The following EYS variants were observed in gnomAD, a reference collection of about 807,000 sequenced individuals.
EYS encodes the protein EGF-like photoreceptor maintenance factor, also known as protein eyes shut homolog.
EYS carries 250 observed loss-of-function variants against 282.1 expected under a neutral mutation model. That is an observed-to-expected ratio of 0.89 (90% CI 0.80 to 0.98). The LOEUF is 0.98. Ranked by LOEUF, EYS falls within the 50% of genes least tolerant of loss-of-function variation. The pLI is 0.00. For missense variants in EYS, 4,016 were observed against 3,709.0 expected (o/e 1.08, Z -2.15); for synonymous variants, 1,355 against 1,282.9 (o/e 1.06, Z -1.20).
At chr6:64,614,666 A>G (rs1471964804) in intron 24 of EYS, among the ~76,000 whole-genome samples, 1 of 152,156 alleles carries the variant, frequency 6.6e-6, no homozygotes, top group Non-Finnish European at 1.5e-5. Context: ...TGAACATCAT[A>G]GTTTGGCCTA....
chr6:65,145,535 G>C (rs1163325156), intron 12 of EYS, among the ~76,000 whole-genome samples: 1 of 151,784 alleles, frequency 6.6e-6, no homozygotes, highest in Non-Finnish European at 1.5e-5. Context: ...GGATGTGGAG[G>C]AAAGAAATGC....
intron 12 of EYS, among the ~76,000 whole-genome samples, chr6:65,281,268 A>G (rs1436610547): frequency 2.0e-5 from 3 of 152,062 alleles, no homozygotes; most frequent in African/African-American, 7.2e-5. Context: ...CTCTTATTAG[A>G]AGTAGTATTT....
intron 2 of EYS, among the ~76,000 whole-genome samples, chr6:65,583,131 ACTGTT>A (rs1764924698): frequency 6.6e-6 from 1 of 152,084 alleles, no homozygotes; most frequent in Admixed American, 6.6e-5. Context: ...ACTCAAAGGT[ACTGTT>A]CTAATTGTTA....
At chr6:64,757,744 T>TTGTGTG (rs66825340) in intron 22 of EYS, among the ~76,000 whole-genome samples, 7,094 of 139,752 alleles carry the variant, frequency 0.051, 165 homozygotes, top group Middle Eastern at 0.076. Flanking sequence ...CTTTTTTTCT[T>TTGTGTG]TGTGTGTGTG....
At chr6:63,810,849 T>G (rs558977980) in intron 36 of EYS, among the ~76,000 whole-genome samples, 1 of 152,258 alleles carries the variant, frequency 6.6e-6, no homozygotes, top group South Asian at 2.1e-4. Flanking sequence ...TTGTCTCTTA[T>G]GAATTAATAA....
chr6:64,713,030 G>A (rs1771262716), intron 22 of EYS, among the ~76,000 whole-genome samples: 1 of 152,104 alleles, frequency 6.6e-6, no homozygotes, highest in Non-Finnish European at 1.5e-5. Context: ...CAATGTTCAA[G>A]CACCCACAGG....
intron 1 of EYS, among the ~76,000 whole-genome samples, chr6:65,686,293 A>T (rs1203867140): frequency 1.3e-5 from 2 of 152,030 alleles, no homozygotes; most frequent in Non-Finnish European, 2.9e-5. Flanking sequence ...ATTGATACTG[A>T]TGTCTACCTC....
At chr6:64,441,365 A>T (rs1774940776) in intron 26 of EYS, among the ~76,000 whole-genome samples, 2 of 152,198 alleles carry the variant, frequency 1.3e-5, no homozygotes, top group Admixed American at 1.3e-4. Flanking sequence ...TTGTGCCCAG[A>T]TCAGCTGTAG....
intron 26 of EYS, among the ~76,000 whole-genome samples, chr6:64,548,085 TC>T (rs1582880467): frequency 1.3e-5 from 2 of 152,094 alleles, no homozygotes; most frequent in South Asian, 4.2e-4. Context: ...GGCTCCAGCC[TC>T]GGCCAGCCCA....
Position 64,590,671 on chromosome 6 carries a change from A to G in EYS, c.5196T>C (p.His1732=), listed in dbSNP as rs1440656092. The G allele has an allele frequency of 1.3e-6, 2 of 1,551,216 alleles. No individual in the cohort carries two copies. Among genetic ancestry groups the G allele is most frequent in the Admixed American group, 2.0e-5 (1 of 50,958 alleles). Residue 1732 remains histidine (H), a synonymous_variant, in exon 26 of 43, where the codon CAT becomes CAC. Transcript: ENST00000503581. ...LLDMEKSKGS[H]TLFKLHPSDS... ...CACTTGGGTGAAGTTTGAACAGTGT[A>G]TGAGATCCTTTACTTTTTTCCATGT...
chr6:64,588,066 G>A (rs1305970807), intron 26 of EYS, among the ~76,000 whole-genome samples: 1 of 152,024 alleles, frequency 6.6e-6, no homozygotes, highest in Admixed American at 6.6e-5. Flanking sequence ...TTTGTCAGTT[G>A]AGAAGTTAGA....
At chr6:65,472,188 T>C (rs1302539410) in intron 5 of EYS, among the ~76,000 whole-genome samples, 1 of 152,106 alleles carries the variant, frequency 6.6e-6, no homozygotes, top group Non-Finnish European at 1.5e-5. Context: ...GGAAGATCCA[T>C]ATAAAGAAGT....
At position 63,952,734 on chromosome 6, in the gene EYS, T is replaced by G. The variant is rs149666501; in HGVS notation, c.7055+31649A>C. The stretch of plus-strand genomic sequence containing the variant: ...CCCTTTTCCCCAGTTCAAAGCCTCC[T>G]TCACATCCTCCCCTTGTATCTCCCC... On this transcript the variant is annotated intron_variant, in intron 35 of 42. Transcript: ENST00000503581. 3.5e-3 allele frequency among the ~76,000 whole-genome samples: 529 copies of G among 152,274 alleles called. 3 individuals are homozygous for G. The East Asian group carries it at 0.041, about 12-fold the overall frequency.
At chr6:63,766,111 C>G (rs1769782103) in intron 40 of EYS, among the ~76,000 whole-genome samples, 1 of 151,926 alleles carries the variant, frequency 6.6e-6, no homozygotes, top group Non-Finnish European at 1.5e-5. Context: ...GGCCAGCAAC[C>G]TTTTTCTGTA....
intron 7 of EYS, among the ~76,000 whole-genome samples, chr6:65,397,649 G>C (rs1694200891): frequency 6.7e-6 from 1 of 148,902 alleles, no homozygotes; most frequent in African/African-American, 2.5e-5. Context: ...TTTTAATCCA[G>C]TCATCCATTG....
At chr6:65,526,587 C>T (rs1929326) in intron 2 of EYS, among the ~76,000 whole-genome samples, 59,619 of 151,918 alleles carry the variant, frequency 0.39, 12,648 homozygotes, top group African/African-American at 0.57. Flanking sequence ...GGGTGGATCA[C>T]GAGGTCAGGA....
intron 30 of EYS, among the ~76,000 whole-genome samples, chr6:64,260,670 G>T (rs965211115): frequency 2.6e-5 from 4 of 151,812 alleles, no homozygotes; most frequent in Non-Finnish European, 4.4e-5. Context: ...CTTCAGACAG[G>T]TTTTGCATTA....
intron 8 of EYS, among the ~76,000 whole-genome samples, chr6:65,372,561 G>A (rs975905694): frequency 3.3e-5 from 5 of 149,452 alleles, no homozygotes; most frequent in Non-Finnish European, 7.4e-5. Flanking sequence ...ATTTTTTTTT[G>A]CCATGAGCTC....
Position 64,436,248 on chromosome 6 carries a change from A to G in EYS, c.5853T>C (p.Pro1951=), listed in dbSNP as rs1774743401. The G allele has an allele frequency of 6.5e-7, 1 of 1,541,426 alleles. No homozygotes were observed. The highest frequency in any genetic ancestry group is 8.8e-7 in the Non-Finnish European group (1 of 1,140,670). ...NGTLKYHFYC[P]GEAKFKSINT... ...TAATGCTTTTAAATTTTGCTTCACC[A>G]GGACAGTAAAAGTGGTACTGTTGGG... is the stretch of plus-strand genomic sequence containing the variant. The change falls in exon 28 of 43, where the codon CCT becomes CCC. Residue 1951 remains proline, a synonymous_variant. Transcript: ENST00000503581.
Sources: gnomAD v4.1 joint callset for allele counts (sites outside exome capture counted in the v4.1 genomes callset) on GRCh38, gnomAD v4.1.1 for gene constraint, MANE v1.5 for transcripts, NCBI Gene and HGNC (gene_info 2026-07-23, HGNC 2026-07-21) for gene names.